NUDT9: variants seen among roughly 807,000 people sequenced by gnomAD.
NUDT9 encodes ADP-ribose pyrophosphatase.
Under a neutral mutation model 41.0 loss-of-function variants are expected in NUDT9, and 31 were observed. That is an observed-to-expected ratio of 0.76 (90% CI 0.57 to 1.02). The LOEUF (loss-of-function observed/expected upper bound fraction) is 1.02. NUDT9 is among the 50% of genes least tolerant of loss of function. The pLI, the probability that NUDT9 is intolerant of heterozygous loss-of-function variation, is 0.00. For synonymous variants in NUDT9, 146 were observed against 147.6 expected (o/e 0.99, Z 0.08); for missense variants, 380 against 431.4 (o/e 0.88, Z 1.06).
At chr4:87,424,002 C>T (rs1179056345) in intron 1 of NUDT9, among the ~76,000 whole-genome samples, 1 of 152,232 alleles carries the variant, frequency 6.6e-6, no homozygotes, top group African/African-American at 2.4e-5. Context: ...GCCTAAGTTT[C>T]TGCTGTGTAC....
chr4:87,439,382 A>G (rs1377664732), intron 3 of NUDT9, among the ~76,000 whole-genome samples: 1 of 150,606 alleles, frequency 6.6e-6, no homozygotes, highest in African/African-American at 2.4e-5. Flanking sequence ...TTGGCCAGGC[A>G]CAGTGGCTCA....
intron 4 of NUDT9, chr4:87,445,201 A>C (rs1465850888): frequency 6.6e-6 from 1 of 152,198 alleles, no homozygotes; most frequent in Non-Finnish European, 1.5e-5. Context: ...GGGTTAAGTT[A>C]CTTGCCTAAA....
At chr4:87,447,060 T>C (rs1172225409) in intron 4 of NUDT9, among the ~76,000 whole-genome samples, 4 of 152,226 alleles carry the variant, frequency 2.6e-5, no homozygotes, top group Non-Finnish European at 5.9e-5. Flanking sequence ...ACGAATTAGA[T>C]GAATCTTGTC....
At chr4:87,428,782 A>G (rs1267222751) in intron 1 of NUDT9, among the ~76,000 whole-genome samples, 1 of 152,176 alleles carries the variant, frequency 6.6e-6, no homozygotes, top group African/African-American at 2.4e-5. Context: ...TGAGCTAAAG[A>G]TAAGAGATAT....
At chr4:87,432,091 T>A (rs1399108895) in intron 1 of NUDT9, among the ~76,000 whole-genome samples, 3 of 152,192 alleles carry the variant, frequency 2.0e-5, no homozygotes, top group Admixed American at 6.5e-5. Context: ...TTATCTTGGG[T>A]TTTCTACATA....
chr4:87,441,696 A>G lies in NUDT9; in HGVS notation c.444-133A>G, dbSNP rs116662082. The G allele has an allele frequency of 3.8e-3, 2,780 of 733,792 alleles. 60 individuals are homozygous for G. The African/African-American group carries it at 0.044, about 12-fold the overall frequency. The allele number at this position is 733,792 out of a possible 1,614,324, so 45.5% of individuals were successfully genotyped here. On this transcript the variant is annotated intron_variant, in intron 3 of 7. Coordinates refer to ENST00000302174, the MANE Select transcript of NUDT9 (RefSeq NM_024047.5). ...GAAATACATGACTTCAGCACCAGAT[A>G]TGTGATAGTTCCATTGGATTTGTAA...
chr4:87,439,182 A>G (rs1722088916), intron 3 of NUDT9, among the ~76,000 whole-genome samples: 1 of 151,590 alleles, frequency 6.6e-6, no homozygotes, highest in Admixed American at 6.6e-5. Context: ...AAAAATAGAC[A>G]TACCCAAGAC....
At position 87,457,859 on chromosome 4, in the gene NUDT9, T is replaced by G; in HGVS notation, c.891T>G (p.Asn297Lys). The G allele has an allele frequency of 3.7e-6, 6 of 1,611,344 alleles. No homozygotes were observed. Among genetic ancestry groups the G allele is most frequent in the Non-Finnish European group, 5.1e-6 (6 of 1,179,054 alleles). The change falls in exon 8 of 8, where the codon AAT (asparagine) becomes AAG (lysine). Residue 297 changes from asparagine (N) to lysine (K), a missense_variant. Transcript: ENST00000302174. ...YHDETGEIMD[N>K]LMLEAGDDAG... ...GGCAACCAGGTGAGATAATGGATAA[T>G]CTTATGCTAGAAGCTGGAGATGATG... is the stretch of plus-strand genomic sequence containing the variant.
At chr4:87,450,378 C>CTTTTTTTTTTTT (rs59228872) in intron 5 of NUDT9, among the ~76,000 whole-genome samples, 286 of 102,288 alleles carry the variant, frequency 2.8e-3, no homozygotes, top group Non-Finnish European at 3.5e-3. Flanking sequence ...TTTTCTTTTT[C>CTTTTTTTTTTTT]TTTTTTTTTT....
chr4:87,438,154 C>T, intron 2 of NUDT9, 123 bp from the exon 3 acceptor site: 5 of 300,412 alleles, frequency 1.7e-5, no homozygotes, highest in East Asian at 1.5e-4. Context: ...AAAAAAAAAA[C>T]TAACCCTTAA....
chr4:87,432,930 TCAGTATTAATCAAAGATAATG>T, intron 1 of NUDT9, among the ~76,000 whole-genome samples: 1 of 152,174 alleles, frequency 6.6e-6, no homozygotes, highest in East Asian at 1.9e-4. Flanking sequence ...GATTTTCACA[TCAGTATTAATCAAAGATAATG>T]GTTTGTAGTT....
intron 4 of NUDT9, among the ~76,000 whole-genome samples, chr4:87,446,705 T>G (rs1375229217): frequency 1.3e-5 from 2 of 152,204 alleles, no homozygotes. Flanking sequence ...GTGCCTCATT[T>G]TCCATATCTG....
At chr4:87,428,364 A>G (rs779768812) in intron 1 of NUDT9, among the ~76,000 whole-genome samples, 13 of 152,308 alleles carry the variant, frequency 8.5e-5, no homozygotes, top group South Asian at 4.1e-4. Flanking sequence ...TAATTCAGCA[A>G]TCACACTCTT....
At chr4:87,431,480 T>C (rs1023886153) in intron 1 of NUDT9, among the ~76,000 whole-genome samples, 2 of 152,220 alleles carry the variant, frequency 1.3e-5, no homozygotes, top group African/African-American at 4.8e-5. Context: ...AGAGATTGCA[T>C]TGAATCTGCG....
At chr4:87,444,839 A>T (rs1265305226) in intron 4 of NUDT9, among the ~76,000 whole-genome samples, 3 of 152,208 alleles carry the variant, frequency 2.0e-5, no homozygotes, top group African/African-American at 7.2e-5. Flanking sequence ...GTCCGAGGCT[A>T]TAAGAGAGCC....
chr4:87,433,360 G>C (rs1319736888), intron 1 of NUDT9, among the ~76,000 whole-genome samples: 2 of 152,128 alleles, frequency 1.3e-5, no homozygotes, highest in African/African-American at 4.8e-5. Context: ...TACCAATTTA[G>C]AGAGTACACA....
chr4:87,424,178 T>C (rs1578061995), intron 1 of NUDT9, among the ~76,000 whole-genome samples: 1 of 151,708 alleles, frequency 6.6e-6, no homozygotes, highest in African/African-American at 2.4e-5. Flanking sequence ...CAGTTTATGA[T>C]CCTTGGGCCC....
intron 1 of NUDT9, among the ~76,000 whole-genome samples, chr4:87,430,379 T>G (rs955066963): frequency 6.6e-6 from 1 of 152,226 alleles, no homozygotes; most frequent in African/African-American, 2.4e-5. Context: ...TCATTGAATT[T>G]GTGGTGATTT....
At chr4:87,432,166 G>A (rs1413591219) in intron 1 of NUDT9, among the ~76,000 whole-genome samples, 3 of 152,128 alleles carry the variant, frequency 2.0e-5, no homozygotes, top group South Asian at 4.1e-4. Context: ...AGACCAGAGC[G>A]GTTTGGATTT....
Sources: allele counts gnomAD v4.1 joint callset (sites outside exome capture counted in the v4.1 genomes callset), GRCh38; gene constraint gnomAD v4.1.1; transcripts MANE v1.5; gene names NCBI Gene and HGNC (gene_info 2026-07-23, HGNC 2026-07-21).